Variants in PSMC6 observed in about 807,000 individuals in gnomAD.
PSMC6 encodes proteasome 26S subunit, ATPase 6.
Under a neutral mutation model 55.9 loss-of-function variants are expected in PSMC6, and 3 were observed. The observed-to-expected ratio is 0.05, with a 90% CI of 0.02 to 0.14. PSMC6 has a LOEUF of 0.14. Ranked by LOEUF, PSMC6 falls within the 10% of genes least tolerant of loss-of-function variation. The pLI, the probability that PSMC6 is intolerant of heterozygous loss-of-function variation, is 1.00. For synonymous variants in PSMC6, 137 were observed against 155.9 expected (o/e 0.88, Z 0.90); for missense variants, 210 against 478.7 (o/e 0.44, Z 5.24).
intron 6 of PSMC6, among the ~76,000 whole-genome samples, chr14:52,712,602 G>A (rs1330117911): frequency 6.6e-6 from 1 of 151,866 alleles, no homozygotes; most frequent in African/African-American, 2.4e-5. Context: ...TCCCAGTCAC[G>A]CTTTATGCAC....
chr14:52,710,998 TG>T, intron 4 of PSMC6, 102 bp from the exon 5 acceptor site: 12 of 859,782 alleles, frequency 1.4e-5, no homozygotes, highest in Non-Finnish European at 2.1e-5. Flanking sequence ...GTGTTCTCTC[TG>T]GAGGGTAAAA....
At position 52,722,650 on chromosome 14, in the gene PSMC6, G is replaced by A. The variant is rs568685467; in HGVS notation, c.980-1315G>A. On this transcript the variant is annotated intron_variant, in intron 12 of 13. Transcript: ENST00000445930. Reference sequence around the variant, plus strand: ...GTGTTCTTAGAGATTTGAGGACAAAGGAGAAGGTATAAAGTCATTATCTAT... The same window carrying A: ...GTGTTCTTAGAGATTTGAGGACAAAAGAGAAGGTATAAAGTCATTATCTAT... 8.2e-4 allele frequency: 125 copies of A among 152,290 alleles called. 1 individual carries two copies. The highest frequency in any genetic ancestry group is 3.4e-3 in the Middle Eastern group (1 of 294). 9.4% of individuals were successfully genotyped at this position (152,290 alleles called of 1,614,324 possible).
intron 7 of PSMC6, among the ~76,000 whole-genome samples, chr14:52,714,733 G>T (rs981957307): frequency 6.6e-6 from 1 of 151,878 alleles, no homozygotes; most frequent in African/African-American, 2.4e-5. Context: ...AGGCGTGGTG[G>T]CGTGCACCTG....
rs181022256 is a variant in PSMC6 at position 52,726,433 on chromosome 14, A to G, written c.1052-1066A>G. On this transcript the variant is annotated intron_variant, in intron 13 of 13. Coordinates refer to ENST00000445930, the MANE Select transcript of PSMC6 (RefSeq NM_002806.5). ...CTTTCTATATGATTCCCTATTCTCA[A>G]CGTTTTTGATTATTAACAAAGAATG... Among the ~76,000 whole-genome samples, 55 of 152,274 alleles carry G rather than the reference A, an allele frequency of 3.6e-4. No individual in the cohort carries two copies. In the East Asian group the frequency reaches 8.3e-3, roughly 23 times the overall value.
chr14:52,711,571 C>T (rs1303665588), intron 6 of PSMC6, 47 bp downstream of exon 6: 1 of 1,306,612 alleles, frequency 7.7e-7, no homozygotes, highest in Non-Finnish European at 1.1e-6. Flanking sequence ...ATAAATACTA[C>T]TAGTTTTAGG....
intron 6 of PSMC6, among the ~76,000 whole-genome samples, chr14:52,712,213 A>C: frequency 6.6e-6 from 1 of 151,350 alleles, no homozygotes; most frequent in African/African-American, 2.5e-5. Context: ...ACTTCAGTAC[A>C]TTAATTTTTT....
At chr14:52,723,717 T>A in intron 12 of PSMC6, 3 of 802,576 alleles carry the variant, frequency 3.7e-6, no homozygotes, top group East Asian at 3.5e-5. Flanking sequence ...AAAAATAGAT[T>A]AAGATATTTT....
chr14:52,716,511 T>C (rs2041831352), intron 7 of PSMC6, among the ~76,000 whole-genome samples: 1 of 152,182 alleles, frequency 6.6e-6, no homozygotes, highest in Non-Finnish European at 1.5e-5. Context: ...GCCAACACTT[T>C]GGGAGGCCGA....
At position 52,711,402 on chromosome 14, in the gene PSMC6, C is replaced by T. The variant is rs766050719; in HGVS notation, c.327-8C>T. The T allele has an allele frequency of 7.0e-6, 11 of 1,579,652 alleles. No homozygotes were observed. In the South Asian group the frequency reaches 1.0e-4, roughly 15 times the overall value. ...TTCAAAAGAAAAATACATACCTTTT[C>T]ATTCTAGATATTTGCCGAGAGAGGT... On this transcript the variant is annotated splice_polypyrimidine_tract_variant and splice_region_variant and intron_variant, in intron 5 of 13. Transcript: ENST00000445930.
intron 7 of PSMC6, among the ~76,000 whole-genome samples, chr14:52,714,775 A>C (rs1328773449): frequency 6.7e-6 from 1 of 149,166 alleles, no homozygotes; most frequent in Non-Finnish European, 1.5e-5. Context: ...CTGAGGCAGG[A>C]GAATTGCTTG....
intron 7 of PSMC6, among the ~76,000 whole-genome samples, chr14:52,714,196 A>G (rs116330048): frequency 0.012 from 1,796 of 152,202 alleles, 33 homozygotes; most frequent in African/African-American, 0.041. Flanking sequence ...GTGCATCACC[A>G]TGTCTGGTTA....
chr14:52,727,452 T>C (rs768026213), intron 13 of PSMC6, 47 bp from the exon 14 acceptor site: 3 of 1,178,828 alleles, frequency 2.5e-6, no homozygotes, highest in Non-Finnish European at 3.7e-6. Flanking sequence ...AATGAACATA[T>C]AATTCATATG....
chr14:52,722,763 A>G (rs887997949), intron 12 of PSMC6: 5 of 152,188 alleles, frequency 3.3e-5, no homozygotes, highest in Admixed American at 2.0e-4. Context: ...GGAAACACAC[A>G]AAGTTTTGTT....
At chr14:52,713,208 C>A (rs371405375) in intron 6 of PSMC6, among the ~76,000 whole-genome samples, 2 of 152,158 alleles carry the variant, frequency 1.3e-5, no homozygotes, top group East Asian at 3.9e-4. Context: ...CCAGCCTGGG[C>A]AACAGACTCT....
chr14:52,723,672 C>G (rs1211542326), intron 12 of PSMC6: 1 of 352,688 alleles, frequency 2.8e-6, no homozygotes, highest in Non-Finnish European at 4.7e-6. Flanking sequence ...TAACAGGTAT[C>G]TGGAGTTCAC....
intron 4 of PSMC6, chr14:52,709,553 G>A (rs1289347112): frequency 4.4e-6 from 2 of 449,978 alleles, no homozygotes; most frequent in Non-Finnish European, 8.9e-6. Context: ...AAACTGACAA[G>A]GGATTTTCAT....
intron 7 of PSMC6, 180 bp downstream of exon 7, chr14:52,714,148 C>G: frequency 2.3e-6 from 1 of 436,768 alleles, no homozygotes; most frequent in East Asian, 3.7e-5. Context: ...TCAAGTGATT[C>G]TCCCACCTCA....
intron 13 of PSMC6, among the ~76,000 whole-genome samples, chr14:52,727,180 C>T (rs780475815): frequency 2.6e-4 from 40 of 151,712 alleles, no homozygotes; most frequent in Admixed American, 5.3e-4. Context: ...GCCACCATGC[C>T]CAGCTAATTT....
chr14:52,715,919 G>A (rs1044175780), intron 7 of PSMC6, among the ~76,000 whole-genome samples: 15 of 151,948 alleles, frequency 9.9e-5, no homozygotes, highest in East Asian at 1.9e-4. Context: ...GTCCAGCCAC[G>A]GCAGCTTTCT....
Sources: allele counts gnomAD v4.1 joint callset (sites outside exome capture counted in the v4.1 genomes callset), GRCh38; gene constraint gnomAD v4.1.1; transcripts MANE v1.5; gene names NCBI Gene and HGNC (gene_info 2026-07-23, HGNC 2026-07-21).